CSNK1G1: variants seen among roughly 807,000 people sequenced by gnomAD.
CSNK1G1 encodes casein kinase I isoform gamma-1.
A neutral mutation model predicts 59.6 loss-of-function variants in CSNK1G1; 22 were observed. The observed-to-expected ratio is 0.37, with a 90% CI of 0.26 to 0.53. The LOEUF (loss-of-function observed/expected upper bound fraction) is 0.53, where lower values mean the gene tolerates loss of function less well. Among genes scored for constraint, CSNK1G1 ranks in the 20% least tolerant of loss-of-function variants. The probability of loss-of-function intolerance (pLI) is 0.89; values close to 1 mark genes in which losing one functional copy is unlikely to be tolerated. For synonymous variants in CSNK1G1, 179 were observed against 177.1 expected (o/e 1.01, Z -0.08); for missense variants, 384 against 519.5 (o/e 0.74, Z 2.54).
intron 7 of CSNK1G1, among the ~76,000 whole-genome samples, chr15:64,205,598 AG>A (rs2082166705): frequency 1.3e-5 from 2 of 152,202 alleles, no homozygotes; most frequent in South Asian, 4.1e-4. Flanking sequence ...AATTCTTGTC[AG>A]GCTTTACCTA....
chr15:64,210,404 G>A lies in CSNK1G1; in HGVS notation c.680-2810C>T, dbSNP rs902463638. Among the ~76,000 whole-genome samples the A allele has an allele frequency of 6.6e-5, 10 of 152,056 alleles. No individual in the cohort carries two copies. The highest frequency in any genetic ancestry group is 5.8e-4 in the East Asian group (3 of 5,188). Reference sequence around the variant, plus strand: ...ACCAGAGCATGCTTTATTTTCATACGACTTTGAACACTCCACACTTGTCCA... The same window carrying A: ...ACCAGAGCATGCTTTATTTTCATACAACTTTGAACACTCCACACTTGTCCA... On this transcript the variant is annotated intron_variant, in intron 6 of 11. Coordinates refer to ENST00000303052, the MANE Select transcript of CSNK1G1 (RefSeq NM_022048.5). This position sits in a 1 kb window ranked among gnomAD's most constrained non-coding sequence, Gnocchi z 4.2.
At chr15:64,195,857 C>G (rs553504531) in intron 10 of CSNK1G1, among the ~76,000 whole-genome samples, 12 of 152,184 alleles carry the variant, frequency 7.9e-5, no homozygotes, top group Non-Finnish European at 1.8e-4. Flanking sequence ...CTGAATGGAT[C>G]TAGCTTTTAG....
At chr15:64,319,342 C>T (rs951409590) in intron 1 of CSNK1G1, among the ~76,000 whole-genome samples, 3 of 151,986 alleles carry the variant, frequency 2.0e-5, no homozygotes, top group Non-Finnish European at 2.9e-5. Context: ...TGTCAAATTA[C>T]ATGTATTACT....
intron 1 of CSNK1G1, among the ~76,000 whole-genome samples, chr15:64,319,803 C>G (rs1286049303): frequency 6.6e-6 from 1 of 152,002 alleles, no homozygotes; most frequent in Non-Finnish European, 1.5e-5. Flanking sequence ...CGCTATCATG[C>G]TTCACCCCCT....
chr15:64,300,604 A>T lies in CSNK1G1; in HGVS notation c.-105T>A. ...AAATAAATTGTAGTCAGAGAAAGGT[A>T]AGGAGTTCTTTTAGCACCATATTTG... On this transcript the variant is annotated 5_prime_UTR_variant, in exon 2 of 12. Transcript: ENST00000303052. 1.4e-6 allele frequency: 2 copies of T among 1,446,856 alleles called. No homozygotes were observed. The highest frequency in any genetic ancestry group is 3.4e-5 in the South Asian group (2 of 59,584). The allele number at this position is 1,446,856 out of a possible 1,614,324, so 89.6% of individuals were successfully genotyped here. A position where few individuals can be genotyped will look rare whatever the true frequency, so the allele number is the denominator to read the frequency against.
rs555703530 is a variant in CSNK1G1 at position 64,181,099 on chromosome 15, G to A, written c.1108-645C>T. 19 of 1,390,608 alleles carry A rather than the reference G, an allele frequency of 1.4e-5. No homozygotes were observed. The South Asian group carries it at 2.1e-4, about 16-fold the overall frequency. 86.1% of individuals were successfully genotyped at this position (1,390,608 alleles called of 1,614,324 possible). On this transcript the variant is annotated intron_variant, in intron 10 of 11. Transcript: ENST00000303052. Reference sequence around the variant, plus strand: ...TCCTCATGGCTTTGAGCACTGGTTCGAAGTTACAAATAACAAGATTGTCAC... The same window carrying A: ...TCCTCATGGCTTTGAGCACTGGTTCAAAGTTACAAATAACAAGATTGTCAC...
At chr15:64,322,910 C>T (rs1191089641) in intron 1 of CSNK1G1, among the ~76,000 whole-genome samples, 2 of 151,694 alleles carry the variant, frequency 1.3e-5, no homozygotes, top group African/African-American at 4.8e-5. Context: ...ATGCACTGCA[C>T]TTTTACATTC....
At chr15:64,267,129 C>G (rs938996913) in intron 2 of CSNK1G1, among the ~76,000 whole-genome samples, 8 of 151,740 alleles carry the variant, frequency 5.3e-5, no homozygotes, top group Admixed American at 4.6e-4. Flanking sequence ...TGGTGGTGCA[C>G]GCCTGTAATC....
At chr15:64,282,130 T>C (rs534127602) in intron 2 of CSNK1G1, among the ~76,000 whole-genome samples, 1 of 152,110 alleles carries the variant, frequency 6.6e-6, no homozygotes, top group Non-Finnish European at 1.5e-5. Context: ...GGTCTTGCTA[T>C]GTTGTCCAGG....
At chr15:64,259,289 A>AAAAGC (rs2140330021) in intron 2 of CSNK1G1, 48 bp from the exon 3 acceptor site, 1 of 1,392,228 alleles carries the variant, frequency 7.2e-7, no homozygotes, top group East Asian at 2.4e-5. Flanking sequence ...TTATTCTGGG[A>AAAAGC]AAAGCAAAGC....
intron 11 of CSNK1G1, among the ~76,000 whole-genome samples, chr15:64,172,758 G>A (rs1261974835): frequency 6.6e-6 from 1 of 152,154 alleles, no homozygotes; most frequent in Non-Finnish European, 1.5e-5. Flanking sequence ...TTTATGAACT[G>A]GCCTTGTTTA....
intron 8 of CSNK1G1, 93 bp downstream of exon 8, chr15:64,204,772 A>T: frequency 9.1e-7 from 1 of 1,096,586 alleles, no homozygotes; most frequent in Non-Finnish European, 1.4e-6. Context: ...AATGTTAATT[A>T]CCTAAACAGC....
chr15:64,186,358 ACCT>A (rs1407879440), intron 10 of CSNK1G1, among the ~76,000 whole-genome samples: 1 of 152,072 alleles, frequency 6.6e-6, no homozygotes, highest in Non-Finnish European at 1.5e-5. Context: ...TGATCTGCTC[ACCT>A]CGGCCTCCCA....
intron 4 of CSNK1G1, among the ~76,000 whole-genome samples, chr15:64,217,347 G>A (rs540474159): frequency 6.6e-6 from 1 of 152,216 alleles, no homozygotes; most frequent in African/African-American, 2.4e-5. Flanking sequence ...AGGAAAAGGG[G>A]GAAAAAACAC....
At chr15:64,209,972 C>T (rs2082230585) in intron 6 of CSNK1G1, among the ~76,000 whole-genome samples, 1 of 152,094 alleles carries the variant, frequency 6.6e-6, no homozygotes, top group African/African-American at 2.4e-5. Context: ...AAAGATTTCA[C>T]AGCAAAATAA....
chr15:64,292,461 A>G (rs1160725473), intron 2 of CSNK1G1, among the ~76,000 whole-genome samples: 1 of 152,232 alleles, frequency 6.6e-6, no homozygotes, highest in East Asian at 1.9e-4. Context: ...GATGGAAAAG[A>G]TCAAAAAGGT....
chr15:64,245,632 A>T (rs1891708829), intron 4 of CSNK1G1, among the ~76,000 whole-genome samples: 1 of 152,062 alleles, frequency 6.6e-6, no homozygotes, highest in Non-Finnish European at 1.5e-5. Context: ...CATAAAAAAG[A>T]ATGAAATTCA....
intron 2 of CSNK1G1, among the ~76,000 whole-genome samples, chr15:64,281,658 C>T (rs1479706850): frequency 6.6e-6 from 1 of 151,990 alleles, no homozygotes; most frequent in South Asian, 2.1e-4. Flanking sequence ...GCCTACATGG[C>T]AAAACCCCAT....
At chr15:64,202,995 A>G in intron 10 of CSNK1G1, 87 bp downstream of exon 10, 1 of 949,452 alleles carries the variant, frequency 1.1e-6, no homozygotes, top group Non-Finnish European at 1.7e-6. Flanking sequence ...CAGTACATAC[A>G]CTAAAGCGGA....
Sources: gnomAD v4.1 joint callset for allele counts (sites outside exome capture counted in the v4.1 genomes callset) on GRCh38, gnomAD v4.1.1 for gene constraint, Gnocchi (gnomAD v3.1) non-coding constraint, MANE v1.5 for transcripts, NCBI Gene and HGNC (gene_info 2026-07-23, HGNC 2026-07-21) for gene names.